The following PRIM2 variants were observed in gnomAD, a reference collection of about 807,000 sequenced individuals.
PRIM2 encodes DNA primase subunit 2, also known as DNA primase large subunit.
PRIM2 carries 39 observed loss-of-function variants against 67.3 expected under a neutral mutation model. The observed-to-expected ratio is 0.58, with a 90% CI of 0.45 to 0.76. The LOEUF (loss-of-function observed/expected upper bound fraction) is 0.76. PRIM2 is among the 30% of genes least tolerant of loss of function. The pLI is 0.00. For missense variants in PRIM2, 398 were observed against 598.7 expected (o/e 0.66, Z 3.50); for synonymous variants, 143 against 198.7 (o/e 0.72, Z 2.36).
intron 7 of PRIM2, among the ~76,000 whole-genome samples, chr6:57,495,891 G>A (rs1773993333): frequency 1.3e-5 from 2 of 152,018 alleles, no homozygotes; most frequent in African/African-American, 4.8e-5. Flanking sequence ...TTACAGGCAC[G>A]TGCCACCACA....
At chr6:57,402,050 C>T (rs898779091) in intron 7 of PRIM2, among the ~76,000 whole-genome samples, 4 of 152,014 alleles carry the variant, frequency 2.6e-5, no homozygotes, top group Non-Finnish European at 5.9e-5. Flanking sequence ...GGCTGGAGGC[C>T]CAGGCCTGGC....
the PRIM2 span, among the ~76,000 whole-genome samples, chr6:57,271,589 C>T: frequency 6.6e-6 from 1 of 152,174 alleles, no homozygotes; most frequent in African/African-American, 2.4e-5. Context: ...CTCCTGGATT[C>T]ATTGATTTTT....
At chr6:57,518,511 T>G (rs1774535945) in intron 8 of PRIM2, among the ~76,000 whole-genome samples, 1 of 152,184 alleles carries the variant, frequency 6.6e-6, no homozygotes, top group African/African-American at 2.4e-5. Flanking sequence ...TCCCCATTAC[T>G]TATAAGAATG....
chr6:57,285,214 A>T, the PRIM2 span, among the ~76,000 whole-genome samples: 1 of 152,200 alleles, frequency 6.6e-6, no homozygotes, highest in East Asian at 1.9e-4. Context: ...AGCTGGTACC[A>T]TTCCTTCTGA....
chr6:57,503,755 T>TA (rs1200599349), intron 7 of PRIM2, among the ~76,000 whole-genome samples: 9,259 of 146,218 alleles, frequency 0.063, 428 homozygotes, highest in African/African-American at 0.13. Context: ...GGCTCTGTCT[T>TA]AAAAAAAAAA....
chr6:57,559,101 G>A (rs1285417743), intron 10 of PRIM2, among the ~76,000 whole-genome samples: 7 of 150,988 alleles, frequency 4.6e-5, no homozygotes, highest in African/African-American at 1.5e-4. Context: ...CTTTACTCTA[G>A]CCTGGGAGAT....
At chr6:57,347,017 C>T (rs1004558978) in intron 5 of PRIM2, among the ~76,000 whole-genome samples, 2 of 152,124 alleles carry the variant, frequency 1.3e-5, no homozygotes, top group Non-Finnish European at 2.9e-5. Flanking sequence ...CTGCTTGCTT[C>T]TGTTTGTTTA....
chr6:57,594,966 G>A (rs1367658975), intron 10 of PRIM2, among the ~76,000 whole-genome samples: 1 of 152,150 alleles, frequency 6.6e-6, no homozygotes, highest in Non-Finnish European at 1.5e-5. Context: ...CAAAAGATTT[G>A]AACAGACATT....
chr6:57,597,584 A>G (rs1776388800), intron 10 of PRIM2, among the ~76,000 whole-genome samples: 1 of 152,206 alleles, frequency 6.6e-6, no homozygotes, highest in Admixed American at 6.5e-5. Flanking sequence ...TCCCCATAGC[A>G]ATTTAATGCA....
the PRIM2 span, among the ~76,000 whole-genome samples, chr6:57,298,351 A>G: frequency 3.9e-5 from 6 of 151,936 alleles, no homozygotes; most frequent in Non-Finnish European, 7.4e-5. Context: ...ACAGGGTGAG[A>G]CTCTGTCTCA....
At chr6:57,430,605 C>A (rs1271084087) in intron 7 of PRIM2, among the ~76,000 whole-genome samples, 1 of 151,818 alleles carries the variant, frequency 6.6e-6, no homozygotes, top group Non-Finnish European at 1.5e-5. Flanking sequence ...AGGTGCCCAC[C>A]ACCATGCCCA....
At position 57,573,305 on chromosome 6, in the gene PRIM2, T is replaced by A. The variant is rs1193586358; in HGVS notation, c.1021-27788T>A. Among the ~76,000 whole-genome samples the A allele has an allele frequency of 1.7e-3, 258 of 152,342 alleles. 3 individuals carry two copies. The highest frequency in any genetic ancestry group is 4.8e-3 in the Admixed American group (74 of 15,298). ...GCTATATAGGACATCAGAGGCAGCTTTTGAGTTTTAAAGAAAGTTCGTCTA... is the reference window on the plus strand; with the variant it reads ...GCTATATAGGACATCAGAGGCAGCTATTGAGTTTTAAAGAAAGTTCGTCTA... On this transcript the variant is annotated intron_variant, in intron 10 of 13. Coordinates refer to ENST00000615550, the MANE Select transcript of PRIM2 (RefSeq NM_000947.5).
At chr6:57,326,681 G>T (rs995494818) in intron 5 of PRIM2, among the ~76,000 whole-genome samples, 2 of 151,588 alleles carry the variant, frequency 1.3e-5, no homozygotes, top group Non-Finnish European at 2.9e-5. Flanking sequence ...AGATCATGCC[G>T]CTGCACTCTA....
chr6:57,274,305 A>G, the PRIM2 span, among the ~76,000 whole-genome samples: 3 of 152,096 alleles, frequency 2.0e-5, no homozygotes, highest in South Asian at 6.2e-4. Context: ...CGCTTTGTTT[A>G]CCTAATCAAG....
At chr6:57,260,281 T>C in the PRIM2 span, among the ~76,000 whole-genome samples, 1 of 152,246 alleles carries the variant, frequency 6.6e-6, no homozygotes, top group Non-Finnish European at 1.5e-5. Flanking sequence ...TGTCTTAATG[T>C]ATATCTAAAC....
intron 5 of PRIM2, among the ~76,000 whole-genome samples, chr6:57,353,608 G>T (rs1362666491): frequency 6.6e-6 from 1 of 152,178 alleles, no homozygotes; most frequent in Non-Finnish European, 1.5e-5. Flanking sequence ...GGTATTTATA[G>T]CAGGGAAAAG....
chr6:57,364,485 C>T (rs4715668), intron 5 of PRIM2, among the ~76,000 whole-genome samples: 62,018 of 152,010 alleles, frequency 0.41, 13,548 homozygotes, highest in South Asian at 0.56. Context: ...ACCATATATA[C>T]TTTGGGTGGC....
chr6:57,290,954 A>C, the PRIM2 span, among the ~76,000 whole-genome samples: 93 of 152,320 alleles, frequency 6.1e-4, 1 homozygote, highest in African/African-American at 2.2e-3. Flanking sequence ...GAGAAGCAAG[A>C]GCAGACAAAT....
At chr6:57,466,798 C>T (rs1425279293) in intron 7 of PRIM2, among the ~76,000 whole-genome samples, 1 of 152,146 alleles carries the variant, frequency 6.6e-6, no homozygotes, top group Middle Eastern at 3.2e-3. Flanking sequence ...GTTTCTTTTG[C>T]TGTGCAGAAG....
Sources: allele counts gnomAD v4.1 joint callset (sites outside exome capture counted in the v4.1 genomes callset), GRCh38; gene constraint gnomAD v4.1.1; transcripts MANE v1.5; gene names NCBI Gene and HGNC (gene_info 2026-07-23, HGNC 2026-07-21).